The following SPATA13 variants were observed in gnomAD, a reference collection of about 807,000 sequenced individuals.
SPATA13 encodes spermatogenesis-associated protein 13.
In SPATA13, 50 loss-of-function variants were observed where a neutral mutation model predicts 104.0. The observed-to-expected ratio is 0.48, with a 90% confidence interval of 0.38 to 0.61. The LOEUF (loss-of-function observed/expected upper bound fraction) is 0.61. Ranked by LOEUF, SPATA13 falls within the 20% of genes least tolerant of loss-of-function variation. The pLI is 0.00. For missense variants in SPATA13, 1,524 were observed against 1,690.6 expected (o/e 0.90, Z 1.73); for synonymous variants, 606 against 667.5 (o/e 0.91, Z 1.42).
At chr13:24,158,146 C>T (rs759912082), upstream of SPATA13, among the ~76,000 whole-genome samples, 2 of 152,132 alleles carry the variant, frequency 1.3e-5, no homozygotes, top group African/African-American at 2.4e-5. Context: ...GTTGTTAGGA[C>T]GAACTTGGGT....
chr13:24,220,404 A>G (rs116373342), intron 1 of SPATA13, among the ~76,000 whole-genome samples: 2,011 of 152,322 alleles, frequency 0.013, 45 homozygotes, highest in African/African-American at 0.045. Context: ...GACCATTACT[A>G]CTAATGTCAG....
At chr13:24,036,367 G>A (rs1436110799) in intron 3 of SPATA13, among the ~76,000 whole-genome samples, 1 of 152,178 alleles carries the variant, frequency 6.6e-6, no homozygotes, top group Admixed American at 6.5e-5. Flanking sequence ...CTGAAGTAGA[G>A]GAAGAATGTC....
intron 3 of SPATA13, among the ~76,000 whole-genome samples, chr13:24,095,415 G>C (rs1488441256): frequency 6.6e-6 from 1 of 152,090 alleles, no homozygotes; most frequent in Non-Finnish European, 1.5e-5. Flanking sequence ...GCTGGGGTAG[G>C]GGGTGCAGAA....
chr13:24,215,952 A>G (rs1157178337), intron 1 of SPATA13, among the ~76,000 whole-genome samples: 1 of 152,150 alleles, frequency 6.6e-6, no homozygotes, highest in Non-Finnish European at 1.5e-5. Context: ...CTAACCGGGA[A>G]CTTCATTGTT....
In SPATA13 at chr13:24,050,298, A is replaced by G. The variant is rs114924088; in HGVS notation, c.-112+32597A>G. On this transcript the variant is annotated intron_variant, in intron 3 of 14. Coordinates refer to the SPATA13 transcript ENST00000424834. ...GATTTTTAGTTGGTAACAAAAGACT[A>G]AAATCTTTAATGCACTCTAGTTCCT... 9.4e-3 allele frequency among the ~76,000 whole-genome samples: 1,433 copies of G among 152,366 alleles called. 27 individuals carry two copies. Among genetic ancestry groups the G allele is most frequent in the African/African-American group, 0.031 (1,294 of 41,582 alleles).
intron 2 of SPATA13, among the ~76,000 whole-genome samples, chr13:23,987,778 A>G (rs889462513): frequency 1.3e-5 from 2 of 151,496 alleles, no homozygotes; most frequent in Non-Finnish European, 2.9e-5. Flanking sequence ...CCCCTCTCCA[A>G]CCCCTGGCAA....
chr13:23,986,191 A>G (rs1875142350), intron 2 of SPATA13, among the ~76,000 whole-genome samples: 1 of 152,216 alleles, frequency 6.6e-6, no homozygotes, highest in Non-Finnish European at 1.5e-5. Context: ...CCAGGGACCT[A>G]GTCATTGTAT....
intron 3 of SPATA13, among the ~76,000 whole-genome samples, chr13:24,148,424 A>T (rs1882002965): frequency 6.6e-6 from 1 of 152,084 alleles, no homozygotes; most frequent in African/African-American, 2.4e-5. Flanking sequence ...ATAGGGTTGG[A>T]ATAAATAGGC....
At chr13:24,004,073 T>C (rs555846990) in intron 2 of SPATA13, among the ~76,000 whole-genome samples, 1 of 152,330 alleles carries the variant, frequency 6.6e-6, no homozygotes, top group African/African-American at 2.4e-5. Flanking sequence ...CTCCTGGGCT[T>C]TGGTCTGTCC....
intron 3 of SPATA13, chr13:24,122,646 A>T: frequency 4.2e-6 from 5 of 1,195,028 alleles, no homozygotes; most frequent in South Asian, 3.6e-5. Flanking sequence ...CATACTGTAT[A>T]TCACTTCAAG....
intron 3 of SPATA13, among the ~76,000 whole-genome samples, chr13:24,109,071 T>TTACATTAACTCAATTACATTACATTACA (rs1466777367): frequency 6.6e-6 from 1 of 152,174 alleles, no homozygotes; most frequent in East Asian, 1.9e-4. Context: ...CATTAACTCA[T>TTACATTAACTCAATTACATTACATTACA]TTACATTAGG....
chr13:24,123,482 G>A (rs1160100671), intron 3 of SPATA13: 12 of 1,596,462 alleles, frequency 7.5e-6, no homozygotes, highest in Middle Eastern at 2.0e-4. Flanking sequence ...GTATTTCAGC[G>A]AAAGAGCCAA....
At chr13:24,149,909 A>C (rs1325402188) in intron 3 of SPATA13, among the ~76,000 whole-genome samples, 3 of 151,954 alleles carry the variant, frequency 2.0e-5, no homozygotes, top group Non-Finnish European at 4.4e-5. Flanking sequence ...TTGGGGAGGA[A>C]CACAGAGATG....
Position 24,223,468 on chromosome 13 carries a change from C to T in SPATA13, c.539C>T (p.Thr180Ile). ...GCCCTCAGGCCAGCAGAGTGGGGCA[C>T]ATTGGATGGCTCCGACCTCGAGGAC... ...CGALRPAEWG[T>I]LDGSDLEDTD... is the part of the protein sequence containing the mutation. Residue 180 changes from threonine (T) to isoleucine (I), a missense_variant, in exon 2 of 13, where the codon ACA (threonine) becomes ATA (isoleucine). Around this residue, in one of 2 missense-constraint regions of SPATA13, gnomAD observed 1,089 missense variants for 1,135.9 expected, o/e 0.96. Coordinates refer to ENST00000382108, the MANE Select transcript of SPATA13 (RefSeq NM_001166271.3). The T allele has an allele frequency of 6.5e-7, 1 of 1,550,086 alleles. No homozygotes were observed. Among genetic ancestry groups the T allele is most frequent in the Non-Finnish European group, 8.7e-7 (1 of 1,146,996 alleles).
In SPATA13 at chr13:24,284,279, A is replaced by G; in HGVS notation, c.2301+8A>G. 5 of 1,612,844 alleles carry G rather than the reference A, an allele frequency of 3.1e-6. No individual in the cohort carries two copies. The highest frequency in any genetic ancestry group is 4.2e-6 in the Non-Finnish European group (5 of 1,179,338). On this transcript the variant is annotated splice_region_variant and intron_variant, in intron 5 of 12. Coordinates refer to ENST00000382108, the MANE Select transcript of SPATA13 (RefSeq NM_001166271.3). ...CAGCTGGCCATCAATGAGGTACTGG[A>G]ATTCCACACGACAGTAGTGGATACG...
chr13:24,123,680 G>A (rs1280310114), intron 3 of SPATA13: 37 of 1,585,542 alleles, frequency 2.3e-5, no homozygotes, highest in Middle Eastern at 1.9e-4. Flanking sequence ...ATATATATTC[G>A]TAAGGGTCTT....
At chr13:24,083,503 G>T (rs1879614306) in intron 3 of SPATA13, among the ~76,000 whole-genome samples, 1 of 152,222 alleles carries the variant, frequency 6.6e-6, no homozygotes, top group Admixed American at 6.5e-5. Context: ...GGAGCTTGCG[G>T]GGAGAATGGC....
chr13:24,295,473 A>G (rs1876703800), intron 10 of SPATA13, among the ~76,000 whole-genome samples: 1 of 152,082 alleles, frequency 6.6e-6, no homozygotes, highest in Non-Finnish European at 1.5e-5. Flanking sequence ...TCAGCCAGGC[A>G]TGGTGGCATA....
Position 24,224,152 on chromosome 13 carries a change from C to T in SPATA13, c.1223C>T (p.Ala408Val). ...GGGCCCCACCTAGACGCTGACACTGCCGTATTTCCTCTTGAAACCAAAAGT... is the reference window on the plus strand; with the variant it reads ...GGGCCCCACCTAGACGCTGACACTGTCGTATTTCCTCTTGAAACCAAAAGT... ...SKGPHLDADT[A>V]VFPLETKSSW... Residue 408 changes from alanine to valine, a missense_variant, in exon 2 of 13, where the codon GCC becomes GTC. This residue lies in a region of SPATA13 where 1,089 missense variants were observed against 1,135.9 expected (regional missense o/e 0.96). Transcript: ENST00000382108. 1 of 1,551,768 alleles carries T rather than the reference C, an allele frequency of 6.4e-7. No homozygotes were observed. The highest frequency in any genetic ancestry group is 8.7e-7 in the Non-Finnish European group (1 of 1,147,000).
Sources: allele counts gnomAD v4.1 joint callset (sites outside exome capture counted in the v4.1 genomes callset), GRCh38; gene constraint gnomAD v4.1.1; regional missense constraint gnomAD v4.1.1; transcripts MANE v1.5; gene names NCBI Gene and HGNC (gene_info 2026-07-23, HGNC 2026-07-21).